SOX5: variants seen among roughly 807,000 people sequenced by gnomAD.
SOX5 encodes the protein transcription factor SOX-5.
SOX5 carries 9 observed loss-of-function variants against 92.0 expected under a neutral mutation model. The observed-to-expected ratio is 0.10, with a 90% CI of 0.06 to 0.17. The LOEUF is 0.17. Ranked by LOEUF, SOX5 falls within the 10% of genes least tolerant of loss-of-function variation. The pLI, the probability that SOX5 is intolerant of heterozygous loss-of-function variation, is 1.00. For missense variants in SOX5, 642 were observed against 944.5 expected (o/e 0.68, Z 4.20); for synonymous variants, 344 against 336.3 (o/e 1.02, Z -0.25).
chr12:23,659,409 C>A, intron 7 of SOX5, among the ~76,000 whole-genome samples: 1 of 152,082 alleles, frequency 6.6e-6, no homozygotes, highest in African/African-American at 2.4e-5. Context: ...GTAAATACAG[C>A]ATATTTTAAG....
intron 7 of SOX5, among the ~76,000 whole-genome samples, chr12:23,660,704 T>A (rs75775255): frequency 6.7e-6 from 1 of 148,702 alleles, no homozygotes; most frequent in Admixed American, 6.7e-5. Flanking sequence ...ACTTCCAGGT[T>A]AAAAAAAAAA....
At chr12:23,983,635 T>C (rs1253013791) in intron 4 of SOX5, among the ~76,000 whole-genome samples, 3 of 152,180 alleles carry the variant, frequency 2.0e-5, no homozygotes, top group Middle Eastern at 6.3e-3. Context: ...ATTTACTGAA[T>C]AGACTCAAAC....
chr12:23,912,502 T>A lies in SOX5; in HGVS notation c.39-16478A>T, dbSNP rs567297737. 3.3e-5 allele frequency among the ~76,000 whole-genome samples: 5 copies of A among 152,212 alleles called. No individual in the cohort carries two copies. In the South Asian group the frequency reaches 6.2e-4, roughly 19 times the overall value. The stretch of plus-strand genomic sequence containing the variant: ...CCTCCTTGGTAAATACCCAAGACAA[T>A]TGAAAACATATGTCCATGCAAAAGC... On this transcript the variant is annotated intron_variant, in intron 1 of 14. Transcript: ENST00000451604.
chr12:23,776,621 T>G (rs998929536), intron 3 of SOX5, among the ~76,000 whole-genome samples: 1 of 152,110 alleles, frequency 6.6e-6, no homozygotes, highest in Non-Finnish European at 1.5e-5. Context: ...GAAGACATTT[T>G]TTTTTAACAG....
intron 1 of SOX5, among the ~76,000 whole-genome samples, chr12:24,444,987 G>A (rs1941241865): frequency 6.6e-6 from 1 of 152,076 alleles, no homozygotes; most frequent in Non-Finnish European, 1.5e-5. Flanking sequence ...CAACACTACA[G>A]CAACAATAAA....
chr12:24,432,846 G>A (rs1192218646), intron 1 of SOX5, among the ~76,000 whole-genome samples: 2 of 151,904 alleles, frequency 1.3e-5, no homozygotes, highest in African/African-American at 4.8e-5. Context: ...TGTTAAAGGT[G>A]TAAAATACAC....
At chr12:24,343,931 C>CT (rs1476481644) in intron 2 of SOX5, among the ~76,000 whole-genome samples, 1 of 152,076 alleles carries the variant, frequency 6.6e-6, no homozygotes, top group East Asian at 1.9e-4. Context: ...TACTTTATAA[C>CT]TTTGGATGAC....
At chr12:24,447,946 C>T (rs183583093) in intron 1 of SOX5, among the ~76,000 whole-genome samples, 93 of 152,156 alleles carry the variant, frequency 6.1e-4, no homozygotes, top group African/African-American at 2.1e-3. Context: ...TTTGGGTGGC[C>T]AAGGCGGGTA....
chr12:23,564,832 T>C (rs750255847), intron 10 of SOX5, among the ~76,000 whole-genome samples: 1 of 152,238 alleles, frequency 6.6e-6, no homozygotes, highest in Non-Finnish European at 1.5e-5. Flanking sequence ...TAGACTCTTC[T>C]ATCTGATCTG....
At chr12:24,451,195 T>C (rs143910933) in intron 1 of SOX5, among the ~76,000 whole-genome samples, 2 of 152,346 alleles carry the variant, frequency 1.3e-5, no homozygotes, top group East Asian at 3.9e-4. Context: ...CATTCATATG[T>C]TGATGGACAT....
intron 4 of SOX5, among the ~76,000 whole-genome samples, chr12:24,022,121 G>C (rs540786828): frequency 6.6e-6 from 1 of 152,126 alleles, no homozygotes; most frequent in Non-Finnish European, 1.5e-5. Context: ...CAGTGAGACA[G>C]ATCATAAACA....
At chr12:24,385,122 G>T (rs1566038632) in intron 1 of SOX5, among the ~76,000 whole-genome samples, 1 of 152,098 alleles carries the variant, frequency 6.6e-6, no homozygotes, top group African/African-American at 2.4e-5. Flanking sequence ...ATCTCTTATT[G>T]TGCCTAATTT....
intron 3 of SOX5, among the ~76,000 whole-genome samples, chr12:23,776,422 G>T (rs1178145253): frequency 6.6e-6 from 1 of 152,138 alleles, no homozygotes; most frequent in East Asian, 1.9e-4. Context: ...TTTTATTTTT[G>T]AAACAAATTA....
chr12:24,371,762 C>T (rs373284658), intron 1 of SOX5, among the ~76,000 whole-genome samples: 45 of 152,202 alleles, frequency 3.0e-4, no homozygotes, highest in East Asian at 2.1e-3. Context: ...CCGAGACAGG[C>T]GGATCACCTG....
chr12:24,016,009 G>A (rs150286324), intron 4 of SOX5, among the ~76,000 whole-genome samples: 1 of 152,162 alleles, frequency 6.6e-6, no homozygotes, highest in African/African-American at 2.4e-5. Context: ...TCTACCTTAT[G>A]TCCAAAAGAA....
chr12:23,949,676 C>T, upstream of SOX5: 1 of 1,610,946 alleles, frequency 6.2e-7, no homozygotes, highest in Non-Finnish European at 8.5e-7. Flanking sequence ...CAAGTGAGTC[C>T]AAACCTTCTA....
intron 11 of SOX5, among the ~76,000 whole-genome samples, chr12:23,554,697 C>CT (rs1236366288): frequency 1.1e-4 from 17 of 152,058 alleles, no homozygotes; most frequent in Non-Finnish European, 2.2e-4. Context: ...ATAAGCAAGT[C>CT]TTTTTTATTG....
chr12:24,539,133 G>A (rs1667763691), intron 1 of SOX5, among the ~76,000 whole-genome samples: 1 of 151,774 alleles, frequency 6.6e-6, no homozygotes. Flanking sequence ...AAACAAATTA[G>A]CCAATTTCAT....
intron 1 of SOX5, among the ~76,000 whole-genome samples, chr12:24,459,101 C>T (rs1943342963): frequency 6.6e-6 from 1 of 152,164 alleles, no homozygotes; most frequent in African/African-American, 2.4e-5. Flanking sequence ...TTCCGTTCCC[C>T]CTCTCCCTAA....
Sources: allele counts gnomAD v4.1 joint callset (sites outside exome capture counted in the v4.1 genomes callset), GRCh38; gene constraint gnomAD v4.1.1; transcripts MANE v1.5; gene names NCBI Gene and HGNC (gene_info 2026-07-23, HGNC 2026-07-21).